The following UBE2U variants were observed in gnomAD, a reference collection of about 807,000 sequenced individuals.
The protein encoded by UBE2U is ubiquitin-conjugating enzyme E2 U.
Under a neutral mutation model 41.2 loss-of-function variants are expected in UBE2U, and 39 were observed. The ratio of observed to expected loss-of-function variants is 0.95; its 90% CI spans 0.73 to 1.24. The LOEUF (loss-of-function observed/expected upper bound fraction) is 1.24, where lower values mean the gene tolerates loss of function less well. UBE2U is among the 50% of genes most tolerant of loss of function. The pLI is 0.00. For missense variants in UBE2U, 336 were observed against 363.1 expected, an observed-to-expected ratio of 0.93 and a Z score of 0.61; for synonymous variants, 107 against 117.8, an observed-to-expected ratio of 0.91 and a Z score of 0.60.
At position 64,210,775 on chromosome 1, in the gene UBE2U, T is replaced by C; in HGVS notation, c.275T>C (p.Phe92Ser). The C allele has an allele frequency of 2.5e-6, 4 of 1,605,722 alleles. No homozygotes were observed. The highest frequency in any genetic ancestry group is 2.6e-6 in the Non-Finnish European group (3 of 1,174,930). ...DPHTGQPCIDFLDNPEKWNTN... is the reference protein window; with the variant it reads ...DPHTGQPCIDSLDNPEKWNTN... ...CACACTGGTCAGCCCTGTATAGACTTTTTGGACAACCCTGAGAAGTGGAAT... is the reference window on the plus strand; with the variant it reads ...CACACTGGTCAGCCCTGTATAGACTCTTTGGACAACCCTGAGAAGTGGAAT... Residue 92 changes from phenylalanine to serine, a missense_variant, in exon 4 of 10, where the codon TTT (phenylalanine) becomes TCT (serine). Phe to Ser is a radical substitution (Grantham distance 155). Coordinates refer to ENST00000371077, the MANE Select transcript of UBE2U (RefSeq NM_001366232.2).
chr1:64,204,904 C>T (rs1651198147), intron 1 of UBE2U, among the ~76,000 whole-genome samples: 1 of 152,160 alleles, frequency 6.6e-6, no homozygotes, highest in African/African-American at 2.4e-5. Flanking sequence ...AGTCCAACAG[C>T]GAACATTCCT....
At chr1:64,251,286 T>C (rs1645007137) in intron 8 of UBE2U, among the ~76,000 whole-genome samples, 2 of 151,850 alleles carry the variant, frequency 1.3e-5, no homozygotes, top group Non-Finnish European at 1.5e-5. Context: ...GGATTAATTA[T>C]GATAAATAAT....
intron 8 of UBE2U, among the ~76,000 whole-genome samples, chr1:64,253,142 A>G (rs1464064421): frequency 1.3e-5 from 2 of 152,188 alleles, no homozygotes; most frequent in Admixed American, 1.3e-4. Flanking sequence ...AGCAGAATAG[A>G]TCAAGTGGAG....
chr1:64,220,613 T>C (rs138658823), intron 5 of UBE2U, among the ~76,000 whole-genome samples: 109 of 152,304 alleles, frequency 7.2e-4, no homozygotes, highest in Non-Finnish European at 1.4e-3. Context: ...TTGCTTTTCG[T>C]TGGTCTCCTC....
rs56972795 is a variant in UBE2U at position 64,208,603 on chromosome 1, C to CAAAAAAAA, written c.241+1783_241+1790dup. On this transcript the variant is annotated intron_variant, in intron 3 of 9. Coordinates refer to ENST00000371077, the MANE Select transcript of UBE2U (RefSeq NM_001366232.2). ...TGGGCAACAGAACAAGACGCTGTCT[C>CAAAAAAAA]AAAAAAAAAAAAAAAAAAAAAAAAA... Among the ~76,000 whole-genome samples, 13 of 36,506 alleles carry CAAAAAAAA rather than the reference C, an allele frequency of 3.6e-4. 1 individual carries two copies. Among genetic ancestry groups the CAAAAAAAA allele is most frequent in the Admixed American group, 1.4e-3 (3 of 2,150 alleles). The allele number at this position is 36,506 out of a possible 152,430, so 23.9% of individuals were successfully genotyped here.
intron 8 of UBE2U, among the ~76,000 whole-genome samples, chr1:64,243,852 C>T (rs376287705): frequency 1.3e-5 from 2 of 152,026 alleles, no homozygotes; most frequent in African/African-American, 4.8e-5. Context: ...AGCTCTTAAG[C>T]GCAGGGGCAC....
chr1:64,247,645 G>T (rs557142269), intron 8 of UBE2U, among the ~76,000 whole-genome samples: 1 of 152,182 alleles, frequency 6.6e-6, no homozygotes, highest in East Asian at 1.9e-4. Flanking sequence ...CAAGAAGAAT[G>T]CTTGAAGCCA....
At chr1:64,259,084 A>AT (rs1557750381) in intron 8 of UBE2U, among the ~76,000 whole-genome samples, 1 of 152,144 alleles carries the variant, frequency 6.6e-6, no homozygotes, top group East Asian at 1.9e-4. Context: ...GATGATGAGC[A>AT]TTTTTTTAAG....
intron 6 of UBE2U, among the ~76,000 whole-genome samples, chr1:64,227,919 G>T (rs973513234): frequency 6.6e-6 from 1 of 152,074 alleles, no homozygotes; most frequent in Admixed American, 6.6e-5. Context: ...AAATTTAAAA[G>T]ACTTAAAGAA....
At chr1:64,206,736 A>G (rs1351159189) in intron 2 of UBE2U, 28 bp from the exon 3 acceptor site, 18 of 1,338,354 alleles carry the variant, frequency 1.3e-5, no homozygotes, top group Non-Finnish European at 1.6e-5. Context: ...ATGACACTTT[A>G]GTAAAAATGT....
chr1:64,241,725 G>A lies in UBE2U; in HGVS notation c.669G>A (p.Trp223Ter), dbSNP rs1644838225. 2 of 1,607,502 alleles carry A rather than the reference G, an allele frequency of 1.2e-6. No homozygotes were observed. The highest frequency in any genetic ancestry group is 8.5e-7 in the Non-Finnish European group (1 of 1,176,870). ...KKMDLQHQKE[W>*]NLKYSVIKCW... The stretch of plus-strand genomic sequence containing the variant: ...TGGATCTACAGCATCAGAAAGAATG[G>A]AATTTAAAGTAAGAAATATGAAGTG... Residue 223 changes from tryptophan to a stop codon, truncating the protein, a stop_gained, in exon 8 of 10, where the codon TGG (tryptophan) becomes TGA (stop). Transcript: ENST00000371077. LOFTEE classifies it high-confidence loss of function.
intron 8 of UBE2U, chr1:64,244,009 G>C: frequency 1.6e-6 from 1 of 638,498 alleles, no homozygotes; most frequent in Admixed American, 2.0e-5. Flanking sequence ...AAGGTGTGAG[G>C]ATTAAATAAA....
intron 8 of UBE2U, among the ~76,000 whole-genome samples, chr1:64,255,113 A>G (rs1429905131): frequency 6.6e-6 from 1 of 152,182 alleles, no homozygotes; most frequent in East Asian, 1.9e-4. Flanking sequence ...ACAGAAATAC[A>G]AACAACAACC....
chr1:64,212,830 G>C (rs966894171), intron 4 of UBE2U, among the ~76,000 whole-genome samples: 1 of 152,140 alleles, frequency 6.6e-6, no homozygotes, highest in African/African-American at 2.4e-5. Flanking sequence ...CCTCTAGTTA[G>C]TTAACATTAT....
At position 64,260,669 on chromosome 1, in the gene UBE2U, A is replaced by T; in HGVS notation, c.744A>T (p.Glu248Asp). 1 of 1,549,748 alleles carries T rather than the reference A, an allele frequency of 6.5e-7. No homozygotes were observed. The highest frequency in any genetic ancestry group is 8.7e-7 in the Non-Finnish European group (1 of 1,146,648). The change falls in exon 9 of 10, where the codon GAA becomes GAT. Residue 248 changes from glutamate (E) to aspartate (D), a missense_variant. Physicochemically the swap from Glu to Asp is conservative, Grantham distance 45 (BLOSUM62 2). Coordinates refer to ENST00000371077, the MANE Select transcript of UBE2U (RefSeq NM_001366232.2). ...CTCATGAAGTCACTCACTCAATGGA[A>T]GAAATTAAGCTCTGCCCAACTCTAA... ...RMPHEVTHSM[E>D]EIKLCPTLNE... is the part of the protein sequence containing the mutation.
chr1:64,206,727 T>C (rs1423563514), intron 2 of UBE2U, 37 bp from the exon 3 acceptor site: 2 of 1,267,322 alleles, frequency 1.6e-6, no homozygotes, highest in Non-Finnish European at 2.3e-6. Context: ...TCAATAAACA[T>C]GACACTTTAG....
intron 7 of UBE2U, among the ~76,000 whole-genome samples, chr1:64,236,550 G>C (rs1644671561): frequency 6.6e-6 from 1 of 152,152 alleles, no homozygotes. Flanking sequence ...CATATATATG[G>C]TTGTGGGCAA....
chr1:64,210,766 G>T lies in UBE2U; in HGVS notation c.266G>T (p.Cys89Phe). Residue 89 changes from cysteine (C) to phenylalanine (F), a missense_variant, in exon 4 of 10, where the codon TGT (cysteine) becomes TTT (phenylalanine). Coordinates refer to ENST00000371077, the MANE Select transcript of UBE2U (RefSeq NM_001366232.2). ...PNVDPHTGQP[C>F]IDFLDNPEKW... ...GTAGACCCACACACTGGTCAGCCCT[G>T]TATAGACTTTTTGGACAACCCTGAG... The T allele has an allele frequency of 2.5e-6, 4 of 1,603,256 alleles. No individual in the cohort carries two copies. The highest frequency in any genetic ancestry group is 2.6e-6 in the Non-Finnish European group (3 of 1,173,530).
At chr1:64,215,845 G>A (rs1196142061) in intron 5 of UBE2U, among the ~76,000 whole-genome samples, 5 of 143,050 alleles carry the variant, frequency 3.5e-5, no homozygotes, top group Non-Finnish European at 7.5e-5. Flanking sequence ...TCTCCAGGTA[G>A]TAGAGCACTG....
Sources: allele counts gnomAD v4.1 joint callset (sites outside exome capture counted in the v4.1 genomes callset), GRCh38; gene constraint gnomAD v4.1.1; transcripts MANE v1.5; gene names NCBI Gene and HGNC (gene_info 2026-07-23, HGNC 2026-07-21).